Variants in KLHL32 observed in about 807,000 individuals in gnomAD.
KLHL32 encodes kelch-like protein 32.
KLHL32 carries 35 observed loss-of-function variants against 64.8 expected under a neutral mutation model. The ratio of observed to expected loss-of-function variants is 0.54; its 90% CI spans 0.41 to 0.72. KLHL32 has a LOEUF of 0.72. KLHL32 is among the 30% of genes least tolerant of loss of function. KLHL32 has a pLI of 0.00. For synonymous variants in KLHL32, 259 were observed against 281.0 expected (o/e 0.92, Z 0.78); for missense variants, 589 against 768.5 (o/e 0.77, Z 2.76).
At chr6:96,938,312 G>T (rs1770861223) in intron 1 of KLHL32, among the ~76,000 whole-genome samples, 1 of 152,174 alleles carries the variant, frequency 6.6e-6, no homozygotes, top group African/African-American at 2.4e-5. Flanking sequence ...ACCAGCATCA[G>T]GATCAGACTT....
intron 1 of KLHL32, among the ~76,000 whole-genome samples, chr6:96,936,078 T>C (rs911564395): frequency 1.3e-5 from 2 of 152,238 alleles, no homozygotes; most frequent in Middle Eastern, 3.2e-3. Flanking sequence ...TTGGTGTCAC[T>C]GTACTTTTTG....
chr6:97,000,015 A>G (rs1053087513), intron 3 of KLHL32, among the ~76,000 whole-genome samples: 2 of 152,174 alleles, frequency 1.3e-5, no homozygotes, highest in Non-Finnish European at 2.9e-5. Context: ...ATCAGAACCT[A>G]AAGGATGCTT....
chr6:97,010,333 T>C (rs1780235661), intron 3 of KLHL32: 1 of 152,134 alleles, frequency 6.6e-6, no homozygotes, highest in African/African-American at 2.4e-5. Context: ...GGTTGCTGTA[T>C]TAGAAGAGTC....
intron 6 of KLHL32, among the ~76,000 whole-genome samples, chr6:97,105,876 A>G (rs1162799317): frequency 6.6e-6 from 1 of 152,240 alleles, no homozygotes; most frequent in African/African-American, 2.4e-5. Flanking sequence ...TTTTAAGGGC[A>G]CTTGTATTTA....
chr6:97,098,070 A>G (rs1265093802), intron 6 of KLHL32, among the ~76,000 whole-genome samples: 1 of 152,194 alleles, frequency 6.6e-6, no homozygotes, highest in Non-Finnish European at 1.5e-5. Flanking sequence ...CTAAGGTTTT[A>G]AAAGTTGCAA....
rs369945640 is a variant in KLHL32 at position 97,139,106 on chromosome 6, C to T, written c.1702-15C>T. 5 of 1,601,666 alleles carry T rather than the reference C, an allele frequency of 3.1e-6. No homozygotes were observed. The African/African-American group carries it at 6.7e-5, about 22-fold the overall frequency. On this transcript the variant is annotated splice_polypyrimidine_tract_variant and intron_variant, in intron 10 of 10. Transcript: ENST00000369261. ...CATCTTTGATACACAAGCTTCTTCT[C>T]TTCCTCTTTTGTAGGTACTGGATGT...
intron 6 of KLHL32, among the ~76,000 whole-genome samples, chr6:97,099,434 C>T (rs1795408718): frequency 6.6e-6 from 1 of 152,218 alleles, no homozygotes; most frequent in Non-Finnish European, 1.5e-5. Flanking sequence ...CCTGTGATTT[C>T]CCCAGATTGG....
chr6:97,041,689 GT>G, intron 4 of KLHL32, 90 bp downstream of exon 4: 2 of 716,422 alleles, frequency 2.8e-6, no homozygotes, highest in Non-Finnish European at 4.8e-6. Flanking sequence ...TTTAGTTATT[GT>G]TCTTGTTACT....
chr6:97,132,867 T>C (rs1402096407), intron 10 of KLHL32, 120 bp downstream of exon 10: 7 of 641,892 alleles, frequency 1.1e-5, no homozygotes, highest in Non-Finnish European at 1.6e-5. Flanking sequence ...GTCCCGTTTT[T>C]TGTGCAACTA....
At chr6:97,078,526 A>G (rs527307905) in intron 5 of KLHL32, among the ~76,000 whole-genome samples, 34 of 152,290 alleles carry the variant, frequency 2.2e-4, no homozygotes, top group African/African-American at 7.2e-4. Flanking sequence ...TTCAATTTGG[A>G]CATCTTAGAG....
At chr6:96,958,313 A>C in intron 1 of KLHL32, among the ~76,000 whole-genome samples, 1 of 152,152 alleles carries the variant, frequency 6.6e-6, no homozygotes. Flanking sequence ...GTGCTATTGG[A>C]TCATATAGGA....
intron 7 of KLHL32, among the ~76,000 whole-genome samples, chr6:97,115,907 T>C (rs931661484): frequency 6.6e-6 from 1 of 152,244 alleles, no homozygotes; most frequent in African/African-American, 2.4e-5. Flanking sequence ...GCTTCTCAGC[T>C]TTCCTCAATA....
At chr6:96,952,135 C>T (rs1190054991) in intron 1 of KLHL32, among the ~76,000 whole-genome samples, 1 of 152,108 alleles carries the variant, frequency 6.6e-6, no homozygotes, top group Non-Finnish European at 1.5e-5. Context: ...GCATCCTGTC[C>T]AGGATGGGTT....
chr6:97,097,120 A>T (rs1231811168), intron 6 of KLHL32, among the ~76,000 whole-genome samples: 1 of 152,020 alleles, frequency 6.6e-6, no homozygotes, highest in African/African-American at 2.4e-5. Flanking sequence ...TAAGGGAGGG[A>T]AAAAAACCAC....
intron 1 of KLHL32, among the ~76,000 whole-genome samples, chr6:96,935,976 C>T (rs962206627): frequency 1.3e-5 from 2 of 152,094 alleles, no homozygotes; most frequent in African/African-American, 2.4e-5. Context: ...TGATAGGACA[C>T]GGGTTTTATT....
At chr6:96,921,094 A>AT (rs1483857898), upstream of KLHL32, among the ~76,000 whole-genome samples, 2 of 152,226 alleles carry the variant, frequency 1.3e-5, no homozygotes, top group Admixed American at 1.3e-4. Context: ...CATGAAAATT[A>AT]CAATTTATTT....
chr6:96,919,461 G>A, the KLHL32 span, among the ~76,000 whole-genome samples: 1 of 152,172 alleles, frequency 6.6e-6, no homozygotes, highest in East Asian at 1.9e-4. Context: ...TATGAAATAT[G>A]TATTCATATG....
chr6:96,923,645 A>G (rs1165048694), upstream of KLHL32, among the ~76,000 whole-genome samples: 1 of 152,234 alleles, frequency 6.6e-6, no homozygotes, highest in Non-Finnish European at 1.5e-5. Flanking sequence ...GAGAACATTA[A>G]GGACACCTCA....
At chr6:97,061,660 T>C (rs970251492) in intron 4 of KLHL32, among the ~76,000 whole-genome samples, 2 of 152,184 alleles carry the variant, frequency 1.3e-5, no homozygotes, top group Non-Finnish European at 2.9e-5. Context: ...TACCTAAATA[T>C]AATGCTTGGC....
Sources: gnomAD v4.1 joint callset for allele counts (sites outside exome capture counted in the v4.1 genomes callset) on GRCh38, gnomAD v4.1.1 for gene constraint, MANE v1.5 for transcripts, NCBI Gene and HGNC (gene_info 2026-07-23, HGNC 2026-07-21) for gene names.